EPM2A: variants seen among roughly 807,000 people sequenced by gnomAD.
EPM2A encodes the protein laforin.
EPM2A carries 21 observed loss-of-function variants against 26.5 expected under a neutral mutation model. That is an observed-to-expected ratio of 0.79 (90% CI 0.56 to 1.14). The LOEUF (loss-of-function observed/expected upper bound fraction) is 1.14. Ranked by LOEUF, EPM2A falls within the 50% of genes most tolerant of loss-of-function variation. The probability of loss-of-function intolerance (pLI) is 0.00; values close to 1 mark genes in which losing one functional copy is unlikely to be tolerated. For synonymous variants in EPM2A, 217 were observed against 177.6 expected (o/e 1.22, Z -1.76); for missense variants, 458 against 440.8 (o/e 1.04, Z -0.35).
chr6:145,635,547 C>T (rs1221418074), intron 2 of EPM2A, 61 bp from the exon 3 acceptor site: 9 of 1,515,328 alleles, frequency 5.9e-6, no homozygotes, highest in African/African-American at 2.7e-5. Flanking sequence ...GTTTAAGGAG[C>T]TGCATAAAAC....
intron 4 of EPM2A, among the ~76,000 whole-genome samples, chr6:145,389,687 C>T (rs1778311980): frequency 6.6e-6 from 1 of 152,166 alleles, no homozygotes. Context: ...AATTATTTCT[C>T]AACCTTATTC....
intron 3 of EPM2A, among the ~76,000 whole-genome samples, chr6:145,502,105 G>C (rs1024768556): frequency 6.6e-6 from 1 of 152,214 alleles, no homozygotes; most frequent in East Asian, 1.9e-4. Context: ...AGAAACAAAG[G>C]CATGAGCACA....
At chr6:145,501,658 G>A in exon 4 of EPM2A, 1 of 396,316 alleles carries the variant, frequency 2.5e-6, no homozygotes, top group Non-Finnish European at 5.2e-6. Flanking sequence ...AGAAGTGGGG[G>A]AAGAAGGAGT....
At chr6:145,583,234 C>T (rs1346915112) in intron 2 of EPM2A, among the ~76,000 whole-genome samples, 1 of 152,158 alleles carries the variant, frequency 6.6e-6, no homozygotes, top group African/African-American at 2.4e-5. Context: ...GACACTCTGG[C>T]TTTTTGAGTT....
At chr6:145,698,443 C>T (rs148149080) in intron 1 of EPM2A, among the ~76,000 whole-genome samples, 1,650 of 152,096 alleles carry the variant, frequency 0.011, 13 homozygotes, top group Admixed American at 0.017. Flanking sequence ...AGGGAAAACT[C>T]CCAGAAGGAC....
At chr6:145,635,049 A>G in intron 3 of EPM2A, 196 bp downstream of exon 3, 1 of 586,948 alleles carries the variant, frequency 1.7e-6, no homozygotes, top group Non-Finnish European at 2.9e-6. Context: ...GTGTTGAATG[A>G]ATAAACAAAG....
chr6:145,624,516 T>C (rs1775706069), downstream of EPM2A, among the ~76,000 whole-genome samples: 1 of 152,236 alleles, frequency 6.6e-6, no homozygotes, highest in Non-Finnish European at 1.5e-5. Context: ...GAACCTTTCT[T>C]CCTGACTTAT....
intron 4 of EPM2A, among the ~76,000 whole-genome samples, chr6:145,470,163 A>G (rs1157415649): frequency 1.3e-5 from 2 of 152,156 alleles, no homozygotes; most frequent in Non-Finnish European, 2.9e-5. Flanking sequence ...ATTTTAAAAT[A>G]AAAGAGCATA....
chr6:145,720,386 T>A (rs4896841), intron 1 of EPM2A, among the ~76,000 whole-genome samples: 1 of 152,030 alleles, frequency 6.6e-6, no homozygotes, highest in Non-Finnish European at 1.5e-5. Context: ...TACTCATATA[T>A]ATTAAGTAAA....
intron 4 of EPM2A, among the ~76,000 whole-genome samples, chr6:145,416,786 T>C (rs1459950513): frequency 2.0e-5 from 3 of 152,226 alleles, no homozygotes; most frequent in Non-Finnish European, 4.4e-5. Flanking sequence ...ATTGATGATT[T>C]GTTACACAAT....
chr6:145,704,576 C>G (rs924349007), intron 1 of EPM2A, among the ~76,000 whole-genome samples: 1 of 152,162 alleles, frequency 6.6e-6, no homozygotes, highest in Admixed American at 6.6e-5. Context: ...GATTAAATGA[C>G]CTGACAGTCC....
At chr6:145,724,282 G>A (rs1243016661) in intron 1 of EPM2A, among the ~76,000 whole-genome samples, 2 of 151,990 alleles carry the variant, frequency 1.3e-5, no homozygotes, top group African/African-American at 4.8e-5. Context: ...TTATTTCCTA[G>A]ATATCAGCAA....
At chr6:145,535,914 G>A (rs141163080) in intron 2 of EPM2A, among the ~76,000 whole-genome samples, 1 of 152,310 alleles carries the variant, frequency 6.6e-6, no homozygotes, top group East Asian at 1.9e-4. Flanking sequence ...CTGAAGCCCT[G>A]CTTTGATGTG....
At chr6:145,587,610 G>A (rs1268628471) in intron 2 of EPM2A, among the ~76,000 whole-genome samples, 1 of 152,156 alleles carries the variant, frequency 6.6e-6, no homozygotes, top group Non-Finnish European at 1.5e-5. Flanking sequence ...GAGGACAGAA[G>A]GGACTCATTT....
intron 2 of EPM2A, among the ~76,000 whole-genome samples, chr6:145,575,993 G>A (rs766652933): frequency 1.2e-4 from 18 of 152,114 alleles, no homozygotes; most frequent in African/African-American, 2.9e-4. Context: ...GTGCCACCAC[G>A]CCTGGCTAAT....
At chr6:145,651,916 T>C (rs372866958) in intron 2 of EPM2A, among the ~76,000 whole-genome samples, 3 of 152,072 alleles carry the variant, frequency 2.0e-5, no homozygotes, top group African/African-American at 7.2e-5. Context: ...TGTGTGAAAA[T>C]TCTATCCGCC....
intron 2 of EPM2A, among the ~76,000 whole-genome samples, chr6:145,519,380 G>A (rs960716822): frequency 6.6e-6 from 1 of 152,086 alleles, no homozygotes; most frequent in African/African-American, 2.4e-5. Context: ...ACCCAGACCT[G>A]GAGATGATTA....
rs1562355662 is a variant in EPM2A at position 145,489,939 on chromosome 6, T to G, written c.555+12583A>C. ...TTCGACCCACTTCTAGATAACTTAT[T>G]TGGACCTGCTCTGGAAGCACACTCG... On this transcript the variant is annotated intron_variant, in intron 4 of 4. Coordinates refer to the EPM2A transcript ENST00000638717. 2 of 1,365,542 alleles carry G rather than the reference T, an allele frequency of 1.5e-6. 1 individual carries two copies. The highest frequency in any genetic ancestry group is 2.1e-6 in the Non-Finnish European group (2 of 959,972). 84.6% of individuals were successfully genotyped at this position (1,365,542 alleles called of 1,614,324 possible). A position where few individuals can be genotyped will look rare whatever the true frequency, so the allele number is the denominator to read the frequency against.
rs576691583 is a variant in EPM2A, at chr6:145,612,229, C to T, written c.340+23016G>A. Among the ~76,000 whole-genome samples the T allele has an allele frequency of 3.3e-5, 5 of 152,162 alleles. No homozygotes were observed. In the South Asian group the frequency reaches 1.0e-3, roughly 32 times the overall value. ...ATTTTATTTGCGTATTTATTTATAT[C>T]TCTGTTTTTAAAGAAATTAGATTTT... On this transcript the variant is annotated intron_variant, in intron 2 of 3. Transcript: ENST00000450221.
Sources: gnomAD v4.1 joint callset for allele counts (sites outside exome capture counted in the v4.1 genomes callset) on GRCh38, gnomAD v4.1.1 for gene constraint, MANE v1.5 for transcripts, NCBI Gene and HGNC (gene_info 2026-07-23, HGNC 2026-07-21) for gene names.